Variants in SMIM1 observed in about 807,000 individuals in gnomAD.
SMIM1 encodes the protein small integral membrane protein 1.
A neutral mutation model predicts 7.7 loss-of-function variants in SMIM1; 7 were observed. That is an observed-to-expected ratio of 0.91 (90% CI 0.52 to 1.71). The LOEUF (loss-of-function observed/expected upper bound fraction) is 1.71, where lower values mean the gene tolerates loss of function less well. Among genes scored for constraint, SMIM1 ranks in the 40% most tolerant of loss-of-function variants. SMIM1 has a pLI of 0.00. For synonymous variants in SMIM1, 41 were observed against 42.7 expected (o/e 0.96, Z 0.16); for missense variants, 95 against 102.8 (o/e 0.92, Z 0.33).
In SMIM1 at chr1:3,775,227, C is replaced by A; in HGVS notation, c.-75-72C>A. ...CCGGTGAGGGAGTCAGCCCCCGACC[C>A]TTAGTGCCCCTCTCCTAACAGCAGC... is the stretch of plus-strand genomic sequence containing the variant. On this transcript the variant is annotated intron_variant, in intron 2 of 3. Transcript: ENST00000642557. This position sits in a 1 kb window ranked among gnomAD's most constrained non-coding sequence, Gnocchi z 5.3. 1.7e-6 allele frequency: 1 copy of A among 589,432 alleles called. No homozygotes were observed. The highest frequency in any genetic ancestry group is 3.0e-6 in the Non-Finnish European group (1 of 333,624). The allele number at this position is 589,432 out of a possible 1,614,324, so 36.5% of individuals were successfully genotyped here.
intron 2 of SMIM1, among the ~76,000 whole-genome samples, chr1:3,774,131 C>G (rs577363169): frequency 2.0e-5 from 3 of 151,960 alleles, no homozygotes; most frequent in Non-Finnish European, 2.9e-5. Context: ...GCCTCTGTGC[C>G]GATGACCTGG....
At chr1:3,774,412 A>G (rs1432348998) in intron 2 of SMIM1, among the ~76,000 whole-genome samples, 2 of 152,138 alleles carry the variant, frequency 1.3e-5, no homozygotes, top group African/African-American at 4.8e-5. Flanking sequence ...GGAGGTGCTT[A>G]GAGTCCGGGC....
In SMIM1 at chr1:3,775,179, A is replaced by T. The variant is rs563510194; in HGVS notation, c.-75-120A>T. 1.1e-4 allele frequency: 59 copies of T among 515,752 alleles called. No individual in the cohort carries two copies. The highest frequency in any genetic ancestry group is 1.1e-3 in the African/African-American group (58 of 52,090). The allele number at this position is 515,752 out of a possible 1,614,324, so 31.9% of individuals were successfully genotyped here. A position where few individuals can be genotyped will look rare whatever the true frequency, so the allele number is the denominator to read the frequency against. ...GACTCTACCACTTTGTGTCTAGGTCACCTGTTAAGTCAGGCGACAGACCCG... is the reference window on the plus strand; with the variant it reads ...GACTCTACCACTTTGTGTCTAGGTCTCCTGTTAAGTCAGGCGACAGACCCG... On this transcript the variant is annotated intron_variant, in intron 2 of 3. Coordinates refer to ENST00000642557, the MANE Select transcript of SMIM1 (RefSeq NM_001288583.2). The surrounding 1 kb of genome is among the most constrained non-coding windows in gnomAD (Gnocchi z 5.3).
intron 2 of SMIM1, among the ~76,000 whole-genome samples, chr1:3,774,852 A>C (rs1286808482): frequency 6.8e-6 from 1 of 147,606 alleles, no homozygotes; most frequent in Non-Finnish European, 1.5e-5. Context: ...GCTGCCCCGG[A>C]CCTGCTGCCC....
chr1:3,775,637 CT>C lies in SMIM1; in HGVS notation c.110+156del. The C allele has an allele frequency of 7.6e-7, 1 of 1,316,908 alleles. No individual in the cohort carries two copies. Among genetic ancestry groups the C allele is most frequent in the Non-Finnish European group, 1.0e-6 (1 of 983,508 alleles). The allele number at this position is 1,316,908 out of a possible 1,614,324, so 81.6% of individuals were successfully genotyped here. A position where few individuals can be genotyped will look rare whatever the true frequency, so the allele number is the denominator to read the frequency against. On this transcript the variant is annotated intron_variant, in intron 3 of 3. Coordinates refer to ENST00000642557, the MANE Select transcript of SMIM1 (RefSeq NM_001288583.2). This position sits in a 1 kb window ranked among gnomAD's most constrained non-coding sequence, Gnocchi z 5.3. ...AGCTCAGCAAACCGCAGCCTTTGGC[CT>C]TCCCTCTGGTTGGCTGTGGGCGGGG...
rs2124604528 is a variant in SMIM1 at position 3,775,321 on chromosome 1, G to A, written c.-53G>A. ...CAGTGAAGCCACAGCCTGGCCACCT[G>A]TCTTGATCTCCCCACCGAGAAGGCC... On this transcript the variant is annotated 5_prime_UTR_variant, in exon 3 of 4. Transcript: ENST00000642557. This position sits in a 1 kb window ranked among gnomAD's most constrained non-coding sequence, Gnocchi z 5.3. 1.4e-6 allele frequency: 2 copies of A among 1,416,106 alleles called. No individual in the cohort carries two copies. The highest frequency in any genetic ancestry group is 2.2e-5 in the Admixed American group (1 of 45,310). 87.7% of individuals were successfully genotyped at this position (1,416,106 alleles called of 1,614,324 possible).
intron 2 of SMIM1, 50 bp downstream of exon 2, chr1:3,773,231 G>A (rs1020239542): frequency 6.6e-6 from 1 of 152,340 alleles, no homozygotes; most frequent in Non-Finnish European, 1.5e-5. Context: ...CTATGGAGGG[G>A]CGCCTGTGTA....
chr1:3,774,625 A>G (rs1326266691), intron 2 of SMIM1, among the ~76,000 whole-genome samples: 2 of 152,104 alleles, frequency 1.3e-5, no homozygotes, highest in African/African-American at 4.8e-5. Flanking sequence ...GCAGCCACCC[A>G]GCCCTACGAC....
In SMIM1 at chr1:3,775,706, CCT is replaced by C; in HGVS notation, c.111-88_111-87del. 6 of 1,482,626 alleles carry C rather than the reference CCT, an allele frequency of 4.0e-6. No individual in the cohort carries two copies. Among genetic ancestry groups the C allele is most frequent in the Non-Finnish European group, 5.4e-6 (6 of 1,117,684 alleles). 91.8% of individuals were successfully genotyped at this position (1,482,626 alleles called of 1,614,324 possible). On this transcript the variant is annotated intron_variant, in intron 3 of 3. Coordinates refer to ENST00000642557, the MANE Select transcript of SMIM1 (RefSeq NM_001288583.2). The surrounding 1 kb of genome is among the most constrained non-coding windows in gnomAD (Gnocchi z 5.3). ...CCAGCAGAGCGCCCAGGCCCCTCCC[CCT>C]GACCCAGACCAACGGCCACAGTCCA... is the stretch of plus-strand genomic sequence containing the variant.
rs1182202581 is a variant in SMIM1 at position 3,775,222 on chromosome 1, C to T, written c.-75-77C>T. The T allele has an allele frequency of 2.6e-5, 15 of 578,612 alleles. No individual in the cohort carries two copies. Among genetic ancestry groups the T allele is most frequent in the African/African-American group, 1.1e-4 (6 of 53,238 alleles). The allele number at this position is 578,612 out of a possible 1,614,324, so 35.8% of individuals were successfully genotyped here. A position where few individuals can be genotyped will look rare whatever the true frequency, so the allele number is the denominator to read the frequency against. ...CAGACCCGGTGAGGGAGTCAGCCCC[C>T]GACCCTTAGTGCCCCTCTCCTAACA... is the stretch of plus-strand genomic sequence containing the variant. On this transcript the variant is annotated intron_variant, in intron 2 of 3. Transcript: ENST00000642557. This position sits in a 1 kb window ranked among gnomAD's most constrained non-coding sequence, Gnocchi z 5.3.
In SMIM1 at chr1:3,775,165, T is replaced by C; in HGVS notation, c.-75-134T>C. The C allele has an allele frequency of 2.0e-6, 1 of 492,010 alleles. No homozygotes were observed. The highest frequency in any genetic ancestry group is 3.7e-6 in the Non-Finnish European group (1 of 268,142). The allele number at this position is 492,010 out of a possible 1,614,324, so 30.5% of individuals were successfully genotyped here. ...GACCCTGGGCAAATGACTCTACCAC[T>C]TTGTGTCTAGGTCACCTGTTAAGTC... On this transcript the variant is annotated intron_variant, in intron 2 of 3. Coordinates refer to ENST00000642557, the MANE Select transcript of SMIM1 (RefSeq NM_001288583.2). This position sits in a 1 kb window ranked among gnomAD's most constrained non-coding sequence, Gnocchi z 5.3.
Position 3,775,603 on chromosome 1 carries a change from C to G in SMIM1, c.110+120C>G. On this transcript the variant is annotated intron_variant, in intron 3 of 3. Coordinates refer to ENST00000642557, the MANE Select transcript of SMIM1 (RefSeq NM_001288583.2). This position sits in a 1 kb window ranked among gnomAD's most constrained non-coding sequence, Gnocchi z 5.3. Reference sequence around the variant, plus strand: ...CCACCCCATCCTGGCTGGGAGCCCACGGTCCAGCAGCTCAGCAAACCGCAG... The same window carrying G: ...CCACCCCATCCTGGCTGGGAGCCCAGGGTCCAGCAGCTCAGCAAACCGCAG... 3 of 1,270,646 alleles carry G rather than the reference C, an allele frequency of 2.4e-6. No individual in the cohort carries two copies. Among genetic ancestry groups the G allele is most frequent in the Non-Finnish European group, 3.2e-6 (3 of 935,176 alleles). 78.7% of individuals were successfully genotyped at this position (1,270,646 alleles called of 1,614,324 possible).
chr1:3,775,840 G>A lies in SMIM1; in HGVS notation c.156G>A (p.Lys52=), dbSNP rs1643450690. The A allele has an allele frequency of 6.4e-7, 1 of 1,550,976 alleles. No homozygotes were observed. Among genetic ancestry groups the A allele is most frequent in the Non-Finnish European group, 8.7e-7 (1 of 1,146,934 alleles). Reference sequence around the variant, plus strand: ...CGGGCAAGCTGGGCATCGCCATGAAGGTGCTGGGCGGCGTGGCCCTCTTCT... The same window carrying A: ...CGGGCAAGCTGGGCATCGCCATGAAAGTGCTGGGCGGCGTGGCCCTCTTCT... The part of the protein sequence containing the change: ...LCTGKLGIAM[K]VLGGVALFWI... Residue 52 remains lysine, a synonymous_variant, in exon 4 of 4, where the codon AAG becomes AAA. Transcript: ENST00000642557. The surrounding 1 kb of genome is among the most constrained non-coding windows in gnomAD (Gnocchi z 5.3).
At position 3,775,603 on chromosome 1, in the gene SMIM1, C is replaced by T. The variant is rs1384430969; in HGVS notation, c.110+120C>T. 17 of 1,270,522 alleles carry T rather than the reference C, an allele frequency of 1.3e-5. No individual in the cohort carries two copies. The highest frequency in any genetic ancestry group is 2.9e-5 in the South Asian group (2 of 68,248). 78.7% of individuals were successfully genotyped at this position (1,270,522 alleles called of 1,614,324 possible). On this transcript the variant is annotated intron_variant, in intron 3 of 3. Coordinates refer to ENST00000642557, the MANE Select transcript of SMIM1 (RefSeq NM_001288583.2). This position sits in a 1 kb window ranked among gnomAD's most constrained non-coding sequence, Gnocchi z 5.3. ...CCACCCCATCCTGGCTGGGAGCCCA[C>T]GGTCCAGCAGCTCAGCAAACCGCAG...
chr1:3,775,366 C>T lies in SMIM1; in HGVS notation c.-8C>T. The T allele has an allele frequency of 1.3e-6, 2 of 1,547,946 alleles. No individual in the cohort carries two copies. The highest frequency in any genetic ancestry group is 1.7e-6 in the Non-Finnish European group (2 of 1,145,464). On this transcript the variant is annotated 5_prime_UTR_variant, in exon 3 of 4. Transcript: ENST00000642557. The surrounding 1 kb of genome is among the most constrained non-coding windows in gnomAD (Gnocchi z 5.3). The stretch of plus-strand genomic sequence containing the variant: ...AAGGCCCCGCCCCTCCCGCTGCAGC[C>T]CCACAGCATGCAGCCCCAGGAGAGC...
At position 3,775,449 on chromosome 1, in the gene SMIM1, G is replaced by C. The variant is rs755066109; in HGVS notation, c.76G>C (p.Val26Leu). 13 of 1,512,070 alleles carry C rather than the reference G, an allele frequency of 8.6e-6. No individual in the cohort carries two copies. In the South Asian group the frequency reaches 1.4e-4, roughly 17 times the overall value. 93.7% of individuals were successfully genotyped at this position (1,512,070 alleles called of 1,614,324 possible). ...GSRDGVSLGA[V>L]SSTEEASRCR... ...CAGGGACGGAGTCAGCCTAGGGGCT[G>C]TGTCCAGCACAGAAGAGGCCTCACG... The change falls in exon 3 of 4, where the codon GTG becomes CTG. Residue 26 changes from valine to leucine, a missense_variant. Coordinates refer to ENST00000642557, the MANE Select transcript of SMIM1 (RefSeq NM_001288583.2). The surrounding 1 kb of genome is among the most constrained non-coding windows in gnomAD (Gnocchi z 5.3).
At position 3,775,670 on chromosome 1, in the gene SMIM1, T is replaced by C; in HGVS notation, c.111-125T>C. ...TGGTTGGCTGTGGGCGGGGAGAGCT[T>C]CCTCTTGACTCCAGCAGAGCGCCCA... On this transcript the variant is annotated intron_variant, in intron 3 of 3. Transcript: ENST00000642557. This position sits in a 1 kb window ranked among gnomAD's most constrained non-coding sequence, Gnocchi z 5.3. 1.4e-6 allele frequency: 2 copies of C among 1,391,322 alleles called. No homozygotes were observed. Among genetic ancestry groups the C allele is most frequent in the Non-Finnish European group, 1.9e-6 (2 of 1,052,234 alleles). 86.2% of individuals were successfully genotyped at this position (1,391,322 alleles called of 1,614,324 possible). A position where few individuals can be genotyped will look rare whatever the true frequency, so the allele number is the denominator to read the frequency against.
chr1:3,775,741 G>A lies in SMIM1; in HGVS notation c.111-54G>A. 6.5e-7 allele frequency: 1 copy of A among 1,527,282 alleles called. No homozygotes were observed. The highest frequency in any genetic ancestry group is 8.8e-7 in the Non-Finnish European group (1 of 1,137,818). 94.6% of individuals were successfully genotyped at this position (1,527,282 alleles called of 1,614,324 possible). The stretch of plus-strand genomic sequence containing the variant: ...ACCAACGGCCACAGTCCACTTAGGG[G>A]GCCCCTCATGCGGCCCTGGCCTGGG... On this transcript the variant is annotated intron_variant, in intron 3 of 3. Transcript: ENST00000642557. The surrounding 1 kb of genome is among the most constrained non-coding windows in gnomAD (Gnocchi z 5.3).
At chr1:3,774,623 C>T (rs900143261) in intron 2 of SMIM1, among the ~76,000 whole-genome samples, 10 of 152,184 alleles carry the variant, frequency 6.6e-5, no homozygotes, top group Admixed American at 2.6e-4. Context: ...GGGCAGCCAC[C>T]CAGCCCTACG....
Sources: gnomAD v4.1 joint callset for allele counts (sites outside exome capture counted in the v4.1 genomes callset) on GRCh38, gnomAD v4.1.1 for gene constraint, Gnocchi (gnomAD v3.1) non-coding constraint, MANE v1.5 for transcripts, NCBI Gene and HGNC (gene_info 2026-07-23, HGNC 2026-07-21) for gene names.